GSG1: variants seen among roughly 807,000 people sequenced by gnomAD.
The protein encoded by GSG1 is germ cell associated 1.
Under a neutral mutation model 30.8 loss-of-function variants are expected in GSG1, and 28 were observed. That is an observed-to-expected ratio of 0.91 (90% CI 0.67 to 1.25). GSG1 has a LOEUF of 1.25. Ranked by LOEUF, GSG1 falls within the 50% of genes most tolerant of loss-of-function variation. GSG1 has a pLI of 0.00. For synonymous variants in GSG1, 162 were observed against 178.0 expected (o/e 0.91, Z 0.71); for missense variants, 435 against 444.7 (o/e 0.98, Z 0.20).
At chr12:13,095,895 A>AC (rs1182155668) in intron 1 of GSG1, 5 of 951,314 alleles carry the variant, frequency 5.3e-6, no homozygotes, top group Non-Finnish European at 6.0e-6. Flanking sequence ...AGAAGCAAGG[A>AC]CCTGCAATTT....
At chr12:13,088,331 A>G (rs748045858) in intron 4 of GSG1, among the ~76,000 whole-genome samples, 1 of 152,226 alleles carries the variant, frequency 6.6e-6, no homozygotes, top group Non-Finnish European at 1.5e-5. Context: ...TCGAATTTTC[A>G]TAAATCCTGC....
chr12:13,085,984 C>G (rs1000063842), intron 6 of GSG1, among the ~76,000 whole-genome samples: 7 of 152,154 alleles, frequency 4.6e-5, no homozygotes, highest in Non-Finnish European at 7.3e-5. Context: ...TAAACACATT[C>G]CTGAAAACTT....
In GSG1 at chr12:13,101,936, T is replaced by C. The variant is rs557060693; in HGVS notation, c.48+1529A>G. On this transcript the variant is annotated intron_variant, in intron 1 of 6. Transcript: ENST00000651961. The surrounding 1 kb of genome is among the most constrained non-coding windows in gnomAD (Gnocchi z 5.8). Reference sequence around the variant, plus strand: ...AGAGGGTTAAATTTACCCTCAGGGGTAAATGAGGGCAAAGAGTTGTCCTTC... The same window carrying C: ...AGAGGGTTAAATTTACCCTCAGGGGCAAATGAGGGCAAAGAGTTGTCCTTC... Among the ~76,000 whole-genome samples, 7 of 152,162 alleles carry C rather than the reference T, an allele frequency of 4.6e-5. No individual in the cohort carries two copies. The East Asian group carries it at 7.7e-4, about 17-fold the overall frequency.
intron 4 of GSG1, chr12:13,088,653 GA>G (rs1865783832): frequency 7.9e-7 from 1 of 1,271,524 alleles, no homozygotes; most frequent in Admixed American, 2.2e-5. Context: ...GCTCAGAAGA[GA>G]AAAGTGGGAG....
intron 1 of GSG1, among the ~76,000 whole-genome samples, chr12:13,095,110 C>T (rs555024784): frequency 1.3e-5 from 2 of 152,188 alleles, no homozygotes; most frequent in Non-Finnish European, 1.5e-5. Flanking sequence ...TTCTTGATAT[C>T]GAATGATCAT....
chr12:13,097,600 G>A (rs921552126), intron 1 of GSG1, among the ~76,000 whole-genome samples: 2 of 152,124 alleles, frequency 1.3e-5, no homozygotes, highest in African/African-American at 4.8e-5. Context: ...TAGAGCAGTC[G>A]TTCTCAGTTC....
chr12:13,099,736 C>T (rs1008807591), intron 1 of GSG1, among the ~76,000 whole-genome samples: 37 of 138,534 alleles, frequency 2.7e-4, no homozygotes, highest in African/African-American at 6.6e-4. Flanking sequence ...CTAAGGGATC[C>T]GGTGTTTTTT....
In GSG1 at chr12:13,093,411, TAAACTG is replaced by T. The variant is rs1354967673; in HGVS notation, c.49-2599_49-2594del. 1.3e-5 allele frequency among the ~76,000 whole-genome samples: 2 copies of T among 152,150 alleles called. No homozygotes were observed. Among genetic ancestry groups the T allele is most frequent in the African/African-American group, 4.8e-5 (2 of 41,428 alleles). The stretch of plus-strand genomic sequence containing the variant: ...TGAAAGGAGTCATAGCAATGAATAT[TAAACTG>T]GAAATCTCCGGGGGAAGCAGATGGA... On this transcript the variant is annotated intron_variant, in intron 1 of 6. Transcript: ENST00000651961. The surrounding 1 kb of genome is among the most constrained non-coding windows in gnomAD (Gnocchi z 4.6).
intron 6 of GSG1, among the ~76,000 whole-genome samples, chr12:13,086,810 AG>A (rs1410803469): frequency 3.3e-5 from 5 of 152,294 alleles, no homozygotes; most frequent in Non-Finnish European, 7.4e-5. Context: ...CATAAAAAAA[AG>A]AAAAAAAAAG....
intron 2 of GSG1, 108 bp downstream of exon 2, chr12:13,090,395 C>T: frequency 9.6e-7 from 1 of 1,040,838 alleles, no homozygotes; most frequent in Non-Finnish European, 1.4e-6. Context: ...CAGTGCTGCA[C>T]TTCCAGGGCA....
intron 1 of GSG1, among the ~76,000 whole-genome samples, chr12:13,092,010 A>G (rs1319654626): frequency 1.3e-5 from 2 of 152,222 alleles, no homozygotes; most frequent in Non-Finnish European, 2.9e-5. Context: ...AGATCCAACT[A>G]CAGAAAAGTG....
chr12:13,095,805 T>G, intron 1 of GSG1: 1 of 1,481,888 alleles, frequency 6.7e-7, no homozygotes, highest in Non-Finnish European at 9.0e-7. Flanking sequence ...CATTTAATAA[T>G]TGACAAGGCA....
intron 5 of GSG1, 82 bp from the exon 6 acceptor site, chr12:13,087,345 C>T (rs1270681071): frequency 1.9e-6 from 2 of 1,041,104 alleles, no homozygotes; most frequent in Middle Eastern, 4.2e-4. Flanking sequence ...GATCACCCTT[C>T]TTGCAGTCAG....
Position 13,089,284 on chromosome 12 carries a change from G to C in GSG1, c.365-8C>G. On this transcript the variant is annotated splice_region_variant and splice_polypyrimidine_tract_variant and intron_variant, in intron 2 of 6. Coordinates refer to ENST00000651961, the MANE Select transcript of GSG1 (RefSeq NM_001080555.4). ...ACTGGGGATGGAGCAGTGCTAAGTG[G>C]CACAATAATAAATATAAATGTAAAT... 1 of 1,552,056 alleles carries C rather than the reference G, an allele frequency of 6.4e-7. No homozygotes were observed. Among genetic ancestry groups the C allele is most frequent in the Non-Finnish European group, 8.7e-7 (1 of 1,146,924 alleles).
chr12:13,099,759 T>TTTTTTTTG (rs1555128121), intron 1 of GSG1, among the ~76,000 whole-genome samples: 1,824 of 144,752 alleles, frequency 0.013, 22 homozygotes, highest in Non-Finnish European at 0.02. Flanking sequence ...TGTTTTTTTT[T>TTTTTTTTG]TTTTTTTTTG....
At chr12:13,090,136 TG>T (rs1865937475) in intron 2 of GSG1, among the ~76,000 whole-genome samples, 1 of 152,270 alleles carries the variant, frequency 6.6e-6, no homozygotes. Flanking sequence ...CCCTTCGTTT[TG>T]TTTCTAAACA....
chr12:13,092,009 T>C (rs1866193517), intron 1 of GSG1, among the ~76,000 whole-genome samples: 1 of 152,182 alleles, frequency 6.6e-6, no homozygotes, highest in African/African-American at 2.4e-5. Context: ...CAGATCCAAC[T>C]ACAGAAAAGT....
Position 13,085,241 on chromosome 12 carries a change from A to G in GSG1, c.749T>C (p.Met250Thr). The G allele has an allele frequency of 6.3e-7, 1 of 1,596,850 alleles. No homozygotes were observed. The highest frequency in any genetic ancestry group is 1.7e-4 in the Middle Eastern group (1 of 5,976). ...HVWNYGWAFYMAWLSFTCCMA... is the reference protein window; with the variant it reads ...HVWNYGWAFYTAWLSFTCCMA... ...GCAGCAGGTGAAGGAGAGCCAGGCC[A>G]TGCTAGGGACAAATGCACAAAAAGA... Residue 250 changes from methionine (M) to threonine (T), a missense_variant and splice_region_variant, in exon 7 of 7, where the codon ATG becomes ACG. By Grantham distance (81) the Met-to-Thr change is moderately conservative. Transcript: ENST00000651961.
intron 1 of GSG1, among the ~76,000 whole-genome samples, chr12:13,091,555 T>A (rs1866142577): frequency 6.6e-6 from 1 of 152,138 alleles, no homozygotes; most frequent in African/African-American, 2.4e-5. Context: ...AATAAAAAAA[T>A]TAGCCGGGCA....
Sources: allele counts gnomAD v4.1 joint callset (sites outside exome capture counted in the v4.1 genomes callset), GRCh38; gene constraint gnomAD v4.1.1; non-coding constraint Gnocchi (gnomAD v3.1); transcripts MANE v1.5; gene names NCBI Gene and HGNC (gene_info 2026-07-23, HGNC 2026-07-21).